The following ARHGAP18 variants were observed in gnomAD, a reference collection of about 807,000 sequenced individuals.
ARHGAP18 encodes the protein Rho GTPase activating protein 18, also known as rho GTPase-activating protein 18.
ARHGAP18 carries 67 observed loss-of-function variants against 86.2 expected under a neutral mutation model. The observed-to-expected ratio is 0.78, with a 90% CI of 0.64 to 0.95. The LOEUF is 0.95. Ranked by LOEUF, ARHGAP18 falls within the 40% of genes least tolerant of loss-of-function variation. The pLI is 0.00. For synonymous variants in ARHGAP18, 283 were observed against 280.4 expected (o/e 1.01, Z -0.09); for missense variants, 691 against 780.4 (o/e 0.89, Z 1.37).
At chr6:129,610,698 G>A (rs574402176) in intron 8 of ARHGAP18, among the ~76,000 whole-genome samples, 10 of 152,154 alleles carry the variant, frequency 6.6e-5, no homozygotes, top group African/African-American at 2.4e-4. Flanking sequence ...TGCGATCTTG[G>A]CTCACTGCAA....
intron 1 of ARHGAP18, among the ~76,000 whole-genome samples, chr6:129,651,353 T>C (rs535014963): frequency 1.4e-4 from 22 of 152,330 alleles, no homozygotes; most frequent in Admixed American, 7.8e-4. Flanking sequence ...TTGTAACTAA[T>C]ATTAAATTAC....
At chr6:129,643,643 C>T (rs1295004231) in intron 1 of ARHGAP18, among the ~76,000 whole-genome samples, 1 of 151,768 alleles carries the variant, frequency 6.6e-6, no homozygotes, top group East Asian at 1.9e-4. Context: ...AACTGTTTTG[C>T]TATTCTAATT....
chr6:129,627,753 C>T (rs1388964682), intron 5 of ARHGAP18, among the ~76,000 whole-genome samples: 4 of 152,018 alleles, frequency 2.6e-5, no homozygotes, highest in Non-Finnish European at 5.9e-5. Context: ...TGCAATACAA[C>T]ACATGACCCT....
At chr6:129,680,841 T>G (rs1044803593) in intron 1 of ARHGAP18, among the ~76,000 whole-genome samples, 4 of 152,236 alleles carry the variant, frequency 2.6e-5, no homozygotes, top group African/African-American at 9.6e-5. Context: ...CCAGAGAGTA[T>G]GTATGGACCT....
chr6:129,709,364 T>C (rs1774860336), intron 1 of ARHGAP18, among the ~76,000 whole-genome samples: 1 of 152,182 alleles, frequency 6.6e-6, no homozygotes, highest in African/African-American at 2.4e-5. Flanking sequence ...CAGTGGTCTA[T>C]AGAACATTTG....
rs753762415 is a variant in ARHGAP18, at chr6:129,629,434, T to C, written c.705A>G (p.Ser235=). The C allele has an allele frequency of 3.7e-6, 6 of 1,614,020 alleles. No individual in the cohort carries two copies. The South Asian group carries it at 6.6e-5, about 18-fold the overall frequency. The part of the protein sequence containing the change: ...APETDINLEV[S]FAEQALNQKE... ...TCTGATTGAGTGCTTGCTCGGCAAA[T>C]GATACCTCCAGGTTGATGTCTGTTT... The change falls in exon 5 of 15, where the codon TCA becomes TCG. Residue 235 remains serine (S), a synonymous_variant. Coordinates refer to ENST00000368149, the MANE Select transcript of ARHGAP18 (RefSeq NM_033515.3).
chr6:129,708,740 G>T (rs904797585), intron 1 of ARHGAP18, among the ~76,000 whole-genome samples: 2 of 152,186 alleles, frequency 1.3e-5, no homozygotes, highest in African/African-American at 4.8e-5. Context: ...TGGGTATGGG[G>T]TTGGTGTTGC....
chr6:129,592,127 C>G (rs1315357651), intron 12 of ARHGAP18, among the ~76,000 whole-genome samples: 1 of 151,760 alleles, frequency 6.6e-6, no homozygotes, highest in Non-Finnish European at 1.5e-5. Flanking sequence ...TATTTTTATG[C>G]AGTATTAAAA....
chr6:129,590,411 C>A (rs1788485411), intron 12 of ARHGAP18, among the ~76,000 whole-genome samples: 1 of 152,136 alleles, frequency 6.6e-6, no homozygotes, highest in African/African-American at 2.4e-5. Flanking sequence ...TCCCAAGATA[C>A]TAGCTTCTGG....
chr6:129,583,861 A>T, intron 13 of ARHGAP18, 127 bp downstream of exon 13: 1 of 1,188,174 alleles, frequency 8.4e-7, no homozygotes, highest in African/African-American at 1.6e-5. Context: ...CAATATTTTT[A>T]AGCATTTCAT....
Position 129,580,119 on chromosome 6 carries a change from C to T in ARHGAP18, c.1851G>A (p.Gln617=). The T allele has an allele frequency of 6.2e-7, 1 of 1,613,724 alleles. No individual in the cohort carries two copies. Among genetic ancestry groups the T allele is most frequent in the Non-Finnish European group, 8.5e-7 (1 of 1,179,790 alleles). ...RFLSQESGVA[Q]TLKKGEVFLY... ...AAAAAACTTCTCCTTTCTTGAGAGT[C>T]TGGGCAACCCCACTATGAGGGACAA... Residue 617 remains glutamine (Q), a synonymous_variant, in exon 14 of 15, where the codon CAG becomes CAA. Transcript: ENST00000368149.
Position 129,647,610 on chromosome 6 carries a change from C to T in ARHGAP18, c.114-5592G>A, listed in dbSNP as rs2114505547. Among the ~76,000 whole-genome samples the T allele has an allele frequency of 2.0e-5, 3 of 151,766 alleles. No individual in the cohort carries two copies. The South Asian group carries it at 6.3e-4, about 32-fold the overall frequency. On this transcript the variant is annotated intron_variant, in intron 1 of 14. Transcript: ENST00000368149. ...CAAGAAGTGACTGAGTTGGGATATA[C>T]ATACAGTATAAGACAGAAGAATAAA...
At chr6:129,657,315 G>A (rs1773858131) in intron 1 of ARHGAP18, among the ~76,000 whole-genome samples, 1 of 151,496 alleles carries the variant, frequency 6.6e-6, no homozygotes, top group Non-Finnish European at 1.5e-5. Flanking sequence ...AAAGGGGATA[G>A]TAACTAGTTT....
intron 7 of ARHGAP18, among the ~76,000 whole-genome samples, chr6:129,615,443 G>C (rs1248656276): frequency 1.3e-5 from 2 of 152,224 alleles, no homozygotes; most frequent in African/African-American, 4.8e-5. Context: ...GTTTGGAAGA[G>C]GGGAAGAATA....
intron 12 of ARHGAP18, among the ~76,000 whole-genome samples, chr6:129,595,243 C>T (rs563751540): frequency 1.3e-5 from 2 of 152,156 alleles, no homozygotes; most frequent in Non-Finnish European, 2.9e-5. Flanking sequence ...TTCACTGACT[C>T]GTAACTTCTT....
At chr6:129,600,888 G>A (rs998467147) in intron 10 of ARHGAP18, 40 bp from the exon 11 acceptor site, 4 of 1,537,032 alleles carry the variant, frequency 2.6e-6, no homozygotes, top group Admixed American at 1.8e-5. Flanking sequence ...TGTCATATAT[G>A]AAGATAAAAG....
intron 2 of ARHGAP18, among the ~76,000 whole-genome samples, chr6:129,640,069 C>T (rs369214851): frequency 9.8e-6 from 1 of 102,442 alleles, no homozygotes; most frequent in African/African-American, 3.9e-5. Context: ...AAAAAACAAA[C>T]AAAAGTCAGC....
chr6:129,681,063 C>T (rs1774317089), intron 1 of ARHGAP18, among the ~76,000 whole-genome samples: 1 of 152,060 alleles, frequency 6.6e-6, no homozygotes, highest in African/African-American at 2.4e-5. Context: ...GATCCTTAAT[C>T]AGAAGTTTTT....
intron 5 of ARHGAP18, among the ~76,000 whole-genome samples, chr6:129,626,176 A>G (rs1261327675): frequency 2.0e-5 from 3 of 149,584 alleles, no homozygotes; most frequent in African/African-American, 7.4e-5. Context: ...AAATTATGAT[A>G]CATCTGTACA....
Sources: gnomAD v4.1 joint callset for allele counts (sites outside exome capture counted in the v4.1 genomes callset) on GRCh38, gnomAD v4.1.1 for gene constraint, MANE v1.5 for transcripts, NCBI Gene and HGNC (gene_info 2026-07-23, HGNC 2026-07-21) for gene names.